WDR25: variants seen among roughly 807,000 people sequenced by gnomAD.
The protein encoded by WDR25 is WD repeat-containing protein 25.
A neutral mutation model predicts 47.7 loss-of-function variants in WDR25; 35 were observed. The observed-to-expected ratio is 0.73, with a 90% confidence interval of 0.56 to 0.97. The LOEUF (loss-of-function observed/expected upper bound fraction) is 0.97. Ranked by LOEUF, WDR25 falls within the 50% of genes least tolerant of loss-of-function variation. The pLI is 0.00. For synonymous variants in WDR25, 248 were observed against 278.9 expected, an observed-to-expected ratio of 0.89 and a Z score of 1.10; for missense variants, 634 against 704.7, an observed-to-expected ratio of 0.90 and a Z score of 1.14.
rs1422136322 is a variant in WDR25, at chr14:100,392,475, G to C, written c.822+10729G>C. On this transcript the variant is annotated intron_variant, in intron 2 of 6. Transcript: ENST00000402312. The surrounding 1 kb of genome is among the most constrained non-coding windows in gnomAD (Gnocchi z 4.2). Reference sequence around the variant, plus strand: ...CTCTGCCCTTCCTTTGGCCCTTTGTGGAGATGACTCAGCAGCATTACAAAA... The same window carrying C: ...CTCTGCCCTTCCTTTGGCCCTTTGTCGAGATGACTCAGCAGCATTACAAAA... 6.6e-6 allele frequency among the ~76,000 whole-genome samples: 1 copy of C among 151,798 alleles called. No homozygotes were observed. Among genetic ancestry groups the C allele is most frequent in the Non-Finnish European group, 1.5e-5 (1 of 67,962 alleles).
At chr14:100,419,170 C>T (rs373349342) in intron 2 of WDR25, among the ~76,000 whole-genome samples, 5 of 148,396 alleles carry the variant, frequency 3.4e-5, no homozygotes, top group African/African-American at 1.3e-4. Flanking sequence ...TGCAGTGAGC[C>T]GAGATCACGC....
chr14:100,525,330 C>T lies in WDR25; in HGVS notation c.1102-540C>T, dbSNP rs561305933. Among the ~76,000 whole-genome samples the T allele has an allele frequency of 2.6e-5, 4 of 152,310 alleles. No individual in the cohort carries two copies. Among genetic ancestry groups the T allele is most frequent in the South Asian group, 4.1e-4 (2 of 4,822 alleles). ...TATGAGACAGCAGACTGTGAAGTAT[C>T]GGTGATGATGCTAAAACAATACAAA... On this transcript the variant is annotated intron_variant, in intron 4 of 6. Transcript: ENST00000402312. The surrounding 1 kb of genome is among the most constrained non-coding windows in gnomAD (Gnocchi z 4.6).
At chr14:100,476,592 G>A (rs764915891) in intron 3 of WDR25, 3 of 152,212 alleles carry the variant, frequency 2.0e-5, no homozygotes, top group African/African-American at 4.8e-5. Context: ...GTAGGGTGCC[G>A]AGAGCTGGCC....
rs1343829313 is a variant in WDR25, at chr14:100,430,847, C to T, written c.823-37174C>T. Among the ~76,000 whole-genome samples the T allele has an allele frequency of 1.3e-5, 2 of 152,180 alleles. No homozygotes were observed. The highest frequency in any genetic ancestry group is 2.9e-5 in the Non-Finnish European group (2 of 68,022). On this transcript the variant is annotated intron_variant, in intron 2 of 6. Coordinates refer to ENST00000402312, the MANE Select transcript of WDR25 (RefSeq NM_001161476.3). The surrounding 1 kb of genome is among the most constrained non-coding windows in gnomAD (Gnocchi z 4.7). ...TGTCGAGAAGGGGCCTAAGAGGTGCCCACTCCCCTCCTTGTGGGTCATTTC... is the reference window on the plus strand; with the variant it reads ...TGTCGAGAAGGGGCCTAAGAGGTGCTCACTCCCCTCCTTGTGGGTCATTTC...
intron 3 of WDR25, among the ~76,000 whole-genome samples, chr14:100,474,668 A>T (rs1426079339): frequency 2.6e-5 from 4 of 152,206 alleles, no homozygotes; most frequent in Admixed American, 6.5e-5. Flanking sequence ...TCTTATTATT[A>T]TTTTTTAAAT....
At chr14:100,512,546 A>G (rs773836349) in intron 4 of WDR25, among the ~76,000 whole-genome samples, 1 of 152,074 alleles carries the variant, frequency 6.6e-6, no homozygotes, top group African/African-American at 2.4e-5. Context: ...TCAGATTTTC[A>G]TTTTATTGTC....
chr14:100,445,494 C>G (rs1023016807), intron 2 of WDR25, among the ~76,000 whole-genome samples: 2 of 152,110 alleles, frequency 1.3e-5, no homozygotes, highest in African/African-American at 4.8e-5. Flanking sequence ...TTCAAAACAT[C>G]CTTTTGTAAA....
chr14:100,445,297 A>C (rs763614582), intron 2 of WDR25, among the ~76,000 whole-genome samples: 1 of 152,268 alleles, frequency 6.6e-6, no homozygotes, highest in Non-Finnish European at 1.5e-5. Context: ...CATGGAATAA[A>C]GTAACTTGTG....
At chr14:100,441,262 G>A (rs1023999648) in intron 2 of WDR25, among the ~76,000 whole-genome samples, 2 of 152,192 alleles carry the variant, frequency 1.3e-5, no homozygotes, top group African/African-American at 4.8e-5. Context: ...GTGATATTGG[G>A]CGCTGTCTCC....
chr14:100,404,073 C>T lies in WDR25; in HGVS notation c.822+22327C>T, dbSNP rs1472420338. Among the ~76,000 whole-genome samples, 1 of 152,248 alleles carries T rather than the reference C, an allele frequency of 6.6e-6. No homozygotes were observed. The highest frequency in any genetic ancestry group is 1.5e-5 in the Non-Finnish European group (1 of 68,046). ...AGAGCTCAAGGTGGCTGCTCCCTGA[C>T]ATTCACTTTTGGTAGCAATTAGAAC... On this transcript the variant is annotated intron_variant, in intron 2 of 6. Transcript: ENST00000402312. This position sits in a 1 kb window ranked among gnomAD's most constrained non-coding sequence, Gnocchi z 4.6.
intron 2 of WDR25, among the ~76,000 whole-genome samples, chr14:100,400,397 T>G (rs1897350113): frequency 6.6e-6 from 1 of 152,210 alleles, no homozygotes; most frequent in South Asian, 2.1e-4. Flanking sequence ...CTTTCCGGGT[T>G]TGACTCAGGC....
At position 100,404,642 on chromosome 14, in the gene WDR25, C is replaced by T. The variant is rs1322812478; in HGVS notation, c.822+22896C>T. Among the ~76,000 whole-genome samples the T allele has an allele frequency of 6.6e-6, 1 of 152,144 alleles. No individual in the cohort carries two copies. Among genetic ancestry groups the T allele is most frequent in the Non-Finnish European group, 1.5e-5 (1 of 68,022 alleles). On this transcript the variant is annotated intron_variant, in intron 2 of 6. Coordinates refer to ENST00000402312, the MANE Select transcript of WDR25 (RefSeq NM_001161476.3). The surrounding 1 kb of genome is among the most constrained non-coding windows in gnomAD (Gnocchi z 4.6). ...GGCATAGGGTCCGCTGGAGGCCTGGCGTTCCCATGGGGCTCACTGTGTGTG... is the reference window on the plus strand; with the variant it reads ...GGCATAGGGTCCGCTGGAGGCCTGGTGTTCCCATGGGGCTCACTGTGTGTG...
In WDR25 at chr14:100,394,423, C is replaced by CT. The variant is rs753958942; in HGVS notation, c.822+12678dup. Among the ~76,000 whole-genome samples the CT allele has an allele frequency of 1.1e-3, 162 of 152,324 alleles. 1 individual carries two copies. The highest frequency in any genetic ancestry group is 2.1e-3 in the Admixed American group (32 of 15,302). On this transcript the variant is annotated intron_variant, in intron 2 of 6. Transcript: ENST00000402312. Reference sequence around the variant, plus strand: ...TGAATTCCTCGGGCCTTGCTTTATGCTGTCTCTGCTGTGAGCAGAGAAAGC... The same window carrying CT: ...TGAATTCCTCGGGCCTTGCTTTATGCTTGTCTCTGCTGTGAGCAGAGAAAGC...
chr14:100,495,374 A>C (rs1273518616), intron 4 of WDR25, among the ~76,000 whole-genome samples: 1 of 152,196 alleles, frequency 6.6e-6, no homozygotes, highest in East Asian at 1.9e-4. Context: ...ACAAACAAAC[A>C]AAAAAACCAA....
At chr14:100,460,942 A>G (rs1288668764) in intron 2 of WDR25, among the ~76,000 whole-genome samples, 1 of 152,338 alleles carries the variant, frequency 6.6e-6, no homozygotes. Flanking sequence ...CAGGCTGCGC[A>G]CAGTGGCTCA....
intron 4 of WDR25, among the ~76,000 whole-genome samples, chr14:100,505,579 T>G (rs1319336741): frequency 6.6e-6 from 1 of 152,240 alleles, no homozygotes. Context: ...TTCTTTACAT[T>G]CGTATTTCAA....
chr14:100,392,413 A>T lies in WDR25; in HGVS notation c.822+10667A>T, dbSNP rs542654976. Among the ~76,000 whole-genome samples the T allele has an allele frequency of 7.5e-4, 114 of 151,874 alleles. 1 individual carries two copies. Among genetic ancestry groups the T allele is most frequent in the Non-Finnish European group, 5.9e-4 (40 of 67,980 alleles). ...AACTGTGTGATGAAAACGTGATCCCAGGGGTCCAAGCCTCTGTCACCCTCT... is the reference window on the plus strand; with the variant it reads ...AACTGTGTGATGAAAACGTGATCCCTGGGGTCCAAGCCTCTGTCACCCTCT... On this transcript the variant is annotated intron_variant, in intron 2 of 6. Coordinates refer to ENST00000402312, the MANE Select transcript of WDR25 (RefSeq NM_001161476.3). This position sits in a 1 kb window ranked among gnomAD's most constrained non-coding sequence, Gnocchi z 4.2.
intron 2 of WDR25, among the ~76,000 whole-genome samples, chr14:100,390,983 C>G (rs909375249): frequency 2.0e-5 from 3 of 152,134 alleles, no homozygotes; most frequent in African/African-American, 7.2e-5. Context: ...GATTCTTGTC[C>G]ATTCATCTCC....
chr14:100,479,608 C>A (rs907150060), intron 3 of WDR25, among the ~76,000 whole-genome samples: 12 of 151,784 alleles, frequency 7.9e-5, no homozygotes, highest in African/African-American at 2.9e-4. Context: ...AACAGTATTA[C>A]AACAAATCTG....
Sources: gnomAD v4.1 joint callset for allele counts (sites outside exome capture counted in the v4.1 genomes callset) on GRCh38, gnomAD v4.1.1 for gene constraint, Gnocchi (gnomAD v3.1) non-coding constraint, MANE v1.5 for transcripts, NCBI Gene and HGNC (gene_info 2026-07-23, HGNC 2026-07-21) for gene names.